The following VPS52 variants were observed in gnomAD, a reference collection of about 807,000 sequenced individuals.
VPS52 encodes vacuolar protein sorting-associated protein 52 homolog.
VPS52 carries 56 observed loss-of-function variants against 98.7 expected under a neutral mutation model. The observed-to-expected ratio is 0.57, with a 90% CI of 0.46 to 0.71. The LOEUF (loss-of-function observed/expected upper bound fraction) is 0.71. Ranked by LOEUF, VPS52 falls within the 30% of genes least tolerant of loss-of-function variation. The pLI, the probability that VPS52 is intolerant of heterozygous loss-of-function variation, is 0.00. For synonymous variants in VPS52, 348 were observed against 346.4 expected, an observed-to-expected ratio of 1.00 and a Z score of -0.05; for missense variants, 742 against 925.9, an observed-to-expected ratio of 0.80 and a Z score of 2.58.
Position 33,268,551 on chromosome 6 carries a change from C to T in VPS52, c.647G>A (p.Gly216Asp). The change falls in exon 7 of 20, where the codon GGC becomes GAC. Residue 216 changes from glycine to aspartate, a missense_variant. Transcript: ENST00000445902. This position sits in a 1 kb window ranked among gnomAD's most constrained non-coding sequence, Gnocchi z 4.0. ...AAAVREQEAR[G>D]TAACADVRGV... ...TCTGACATCTGCGCAGGCTGCTGTG[C>T]CTCTAGCTTCCTGCTCTCTGACTGC... 1 of 1,612,720 alleles carries T rather than the reference C, an allele frequency of 6.2e-7. No individual in the cohort carries two copies. Among genetic ancestry groups the T allele is most frequent in the Non-Finnish European group, 8.5e-7 (1 of 1,179,948 alleles).
At chr6:33,260,441 G>A (rs1261282236) in intron 17 of VPS52, among the ~76,000 whole-genome samples, 1 of 151,632 alleles carries the variant, frequency 6.6e-6, no homozygotes, top group East Asian at 1.9e-4. Flanking sequence ...ACCCAGTGCA[G>A]TGGCTGTTTT....
rs150076164 is a variant in VPS52 at position 33,262,523 on chromosome 6, A to G, written c.1794+961T>C. 2.1e-3 allele frequency among the ~76,000 whole-genome samples: 320 copies of G among 152,368 alleles called. 1 individual carries two copies. Among genetic ancestry groups the G allele is most frequent in the African/African-American group, 7.2e-3 (299 of 41,592 alleles). On this transcript the variant is annotated intron_variant, in intron 17 of 19. Transcript: ENST00000445902. ...ATTCAGCAATCCCACTGCTGGGTAT[A>G]TACCCAAAAGAAAGGAAATCAGTAC...
At chr6:33,260,449 T>A (rs989026992) in intron 17 of VPS52, among the ~76,000 whole-genome samples, 1 of 152,026 alleles carries the variant, frequency 6.6e-6, no homozygotes, top group African/African-American at 2.4e-5. Context: ...CAGTGGCTGT[T>A]TTGTTTTTTA....
At chr6:33,264,702 G>A (rs1764082629) in intron 13 of VPS52, 80 bp downstream of exon 13, 5 of 1,443,696 alleles carry the variant, frequency 3.5e-6, no homozygotes, top group Non-Finnish European at 4.9e-6. Flanking sequence ...AGGTCAGTAG[G>A]AGTCTAAGGT....
chr6:33,266,796 A>C, intron 11 of VPS52, 84 bp from the exon 12 acceptor site: 1 of 1,506,454 alleles, frequency 6.6e-7, no homozygotes, highest in Non-Finnish European at 8.9e-7. Context: ...AAAATCAGTA[A>C]ACCTGAGTAA....
Position 33,266,587 on chromosome 6 carries a change from A to G in VPS52, c.1251T>C (p.Ala417=). The change falls in exon 12 of 20, where the codon GCT becomes GCC. Residue 417 remains alanine (A), a synonymous_variant. Coordinates refer to ENST00000445902, the MANE Select transcript of VPS52 (RefSeq NM_022553.6). ...SGPAAHDLFH[A]VMGRTLSMTL... ...TCATGCTGAGTGTACGGCCCATGAC[A>G]GCATGGAACAGGTCGTGTGCAGCTG... 1 of 1,612,328 alleles carries G rather than the reference A, an allele frequency of 6.2e-7. No individual in the cohort carries two copies. The highest frequency in any genetic ancestry group is 1.1e-5 in the South Asian group (1 of 91,002).
chr6:33,264,493 A>C lies in VPS52; in HGVS notation c.1405T>G (p.Trp469Gly). ...CATAGCAAGGCAAGCACCTGTTCCC[A>C]GTACCTGTGGGCTTAATCAGAATCA... ...KRDVPALDRY[W>G]EQVLALLWPR... is the part of the protein sequence containing the mutation. The change falls in exon 14 of 20, where the codon TGG becomes GGG. Residue 469 changes from tryptophan to glycine, a missense_variant. Trp to Gly is a radical substitution (Grantham distance 184). Transcript: ENST00000445902. The C allele has an allele frequency of 1.2e-6, 2 of 1,614,134 alleles. No individual in the cohort carries two copies. Among genetic ancestry groups the C allele is most frequent in the Non-Finnish European group, 1.7e-6 (2 of 1,180,020 alleles).
intron 16 of VPS52, 76 bp downstream of exon 16, chr6:33,263,696 G>C: frequency 6.3e-7 from 1 of 1,581,960 alleles, no homozygotes; most frequent in South Asian, 1.1e-5. Flanking sequence ...CATCATCTCT[G>C]CCCTCACAGA....
intron 1 of VPS52, chr6:33,271,141 A>G: frequency 2.1e-6 from 1 of 486,932 alleles, no homozygotes; most frequent in Non-Finnish European, 3.7e-6. Flanking sequence ...GTTTACCTGC[A>G]TGCCAGGTGC....
Position 33,264,061 on chromosome 6 carries a change from T to C in VPS52, c.1567A>G (p.Ile523Val), listed in dbSNP as rs1261222956. 28 of 1,614,090 alleles carry C rather than the reference T, an allele frequency of 1.7e-5. No homozygotes were observed. Among genetic ancestry groups the C allele is most frequent in the Non-Finnish European group, 2.4e-5 (28 of 1,180,048 alleles). The change falls in exon 15 of 20, where the codon ATC becomes GTC. Residue 523 changes from isoleucine to valine, a missense_variant. Ile to Val is a conservative substitution (Grantham distance 29, BLOSUM62 3). Transcript: ENST00000445902. ...CGTTCATTAGGAATTGTCTGGTTGA[T>C]ACTGACAAGAGCGGAGGAGAACTCT... ...YAEFSSALVS[I>V]NQTIPNERTM...
At position 33,265,863 on chromosome 6, in the gene VPS52, CTAAG is replaced by C. The variant is rs539887339; in HGVS notation, c.1281+690_1281+693del. 1.6e-3 allele frequency among the ~76,000 whole-genome samples: 248 copies of C among 152,020 alleles called. 3 individuals carry two copies. The South Asian group carries it at 0.018, about 11-fold the overall frequency. On this transcript the variant is annotated intron_variant, in intron 12 of 19. Coordinates refer to ENST00000445902, the MANE Select transcript of VPS52 (RefSeq NM_022553.6). The stretch of plus-strand genomic sequence containing the variant: ...ATGGGGGAGTAACACTGTGACAAGT[CTAAG>C]TAACAAGTTTTTTTTTTGAGATGGA...
chr6:33,268,918 A>C lies in VPS52; in HGVS notation c.548+96T>G. The C allele has an allele frequency of 2.0e-6, 3 of 1,497,364 alleles. No individual in the cohort carries two copies. Among genetic ancestry groups the C allele is most frequent in the Non-Finnish European group, 2.7e-6 (3 of 1,111,732 alleles). The allele number at this position is 1,497,364 out of a possible 1,614,324, so 92.8% of individuals were successfully genotyped here. On this transcript the variant is annotated intron_variant, in intron 6 of 19. Transcript: ENST00000445902. This position sits in a 1 kb window ranked among gnomAD's most constrained non-coding sequence, Gnocchi z 4.0. ...GGCTACTAATTTCTAAAAAGCACTT[A>C]ACCTGGAGCCAGGAGACCCATATGG...
chr6:33,269,222 T>C (rs929853313), intron 5 of VPS52, 33 bp from the exon 6 acceptor site: 10 of 1,608,104 alleles, frequency 6.2e-6, no homozygotes, highest in African/African-American at 1.3e-5. Flanking sequence ...CGGAGTGCTA[T>C]AGGGTTTGTA....
chr6:33,270,977 G>T (rs1425186242), intron 1 of VPS52, among the ~76,000 whole-genome samples: 1 of 146,748 alleles, frequency 6.8e-6, no homozygotes, highest in Non-Finnish European at 1.5e-5. Context: ...AAAAAAAAGT[G>T]CAGTGGAGAT....
At position 33,270,232 on chromosome 6, in the gene VPS52, T is replaced by C; in HGVS notation, c.142A>G (p.Thr48Ala). The C allele has an allele frequency of 6.2e-7, 1 of 1,613,440 alleles. No individual in the cohort carries two copies. The highest frequency in any genetic ancestry group is 1.1e-5 in the South Asian group (1 of 91,070). Residue 48 changes from threonine (T) to alanine (A), a missense_variant, in exon 2 of 20, where the codon ACT (threonine) becomes GCT (alanine). Thr to Ala is a moderately conservative substitution (Grantham distance 58). Coordinates refer to ENST00000445902, the MANE Select transcript of VPS52 (RefSeq NM_022553.6). ...TCATCCAGGATGAATTCATCAGAAG[T>C]GATATCCAACTCCCCAAGTTGCAGT... ...EPLQLGELDI[T>A]SDEFILDEVD...
chr6:33,256,202 C>A (rs113105559), intron 17 of VPS52, among the ~76,000 whole-genome samples: 5,758 of 152,036 alleles, frequency 0.038, 189 homozygotes, highest in African/African-American at 0.086. Context: ...TTAAAAGACT[C>A]TCTTAAAAAT....
At position 33,266,676 on chromosome 6, in the gene VPS52, C is replaced by T. The variant is rs146611103; in HGVS notation, c.1162G>A (p.Ala388Thr). 14 of 1,612,004 alleles carry T rather than the reference C, an allele frequency of 8.7e-6. No individual in the cohort carries two copies. Among genetic ancestry groups the T allele is most frequent in the East Asian group, 2.2e-5 (1 of 44,862 alleles). The change falls in exon 12 of 20, where the codon GCC becomes ACC. Residue 388 changes from alanine to threonine, a missense_variant. By Grantham distance (58) the Ala-to-Thr change is moderately conservative. Coordinates refer to ENST00000445902, the MANE Select transcript of VPS52 (RefSeq NM_022553.6). ...TCGCGGCAGGAATTGTCTAGGAGGG[C>T]GTAGTGCTGGCTGCGGAAGAGGGCC... ...FEALFRSQHYALLDNSCREYL... is the reference protein window; with the variant it reads ...FEALFRSQHYTLLDNSCREYL...
chr6:33,270,837 G>C lies in VPS52; in HGVS notation c.91-554C>G, dbSNP rs554181180. On this transcript the variant is annotated intron_variant, in intron 1 of 19. Transcript: ENST00000445902. The stretch of plus-strand genomic sequence containing the variant: ...GCGGTGGCGGGCGCCTGTAGTCCCA[G>C]CTACTTGGGAGGTTGAGGCAGGAGA... Among the ~76,000 whole-genome samples, 218 of 151,836 alleles carry C rather than the reference G, an allele frequency of 1.4e-3. 1 individual carries two copies. The highest frequency in any genetic ancestry group is 3.5e-3 in the Admixed American group (53 of 15,228).
At chr6:33,254,567 GA>G (rs1461367105) in intron 17 of VPS52, 5 of 152,188 alleles carry the variant, frequency 3.3e-5, no homozygotes, top group Admixed American at 2.6e-4. Flanking sequence ...TAACAGTGAT[GA>G]CCCCTGCTAG....
Sources: gnomAD v4.1 joint callset for allele counts (sites outside exome capture counted in the v4.1 genomes callset) on GRCh38, gnomAD v4.1.1 for gene constraint, Gnocchi (gnomAD v3.1) non-coding constraint, MANE v1.5 for transcripts, NCBI Gene and HGNC (gene_info 2026-07-23, HGNC 2026-07-21) for gene names.